The following PCDHGB3 variants were observed in gnomAD, a reference collection of about 807,000 sequenced individuals.
The protein encoded by PCDHGB3 is protocadherin gamma subfamily B, 3, also known as protocadherin gamma-B3.
A neutral mutation model predicts 59.2 loss-of-function variants in PCDHGB3; 40 were observed. The ratio of observed to expected loss-of-function variants is 0.68; its 90% CI spans 0.52 to 0.88. PCDHGB3 has a LOEUF of 0.88. PCDHGB3 is among the 40% of genes least tolerant of loss of function. PCDHGB3 has a pLI of 0.00. For missense variants in PCDHGB3, 1,309 were observed against 1,187.9 expected, an observed-to-expected ratio of 1.10 and a Z score of -1.50; for synonymous variants, 581 against 503.6, an observed-to-expected ratio of 1.15 and a Z score of -2.06.
chr5:141,415,761 T>G (rs1047830043), intron 1 of PCDHGB3: 49 of 1,399,492 alleles, frequency 3.5e-5, no homozygotes, highest in Admixed American at 1.6e-4. Context: ...TTTTTTTTTT[T>G]TTTTTTTTTT....
intron 1 of PCDHGB3, chr5:141,402,790 A>T: frequency 2.1e-6 from 2 of 961,358 alleles, no homozygotes; most frequent in Non-Finnish European, 2.9e-6. Context: ...TTCTGCGGCT[A>T]CACAAAACCC....
At chr5:141,378,173 C>A (rs1774684442) in intron 1 of PCDHGB3, 1 of 152,194 alleles carries the variant, frequency 6.6e-6, no homozygotes. Flanking sequence ...AATAACTAAG[C>A]ACCGATGCTG....
At position 141,431,174 on chromosome 5, in the gene PCDHGB3, G is replaced by C. The variant is rs568632160; in HGVS notation, c.2415+58365G>C. 6.2e-7 allele frequency: 1 copy of C among 1,614,224 alleles called. No individual in the cohort carries two copies. The highest frequency in any genetic ancestry group is 1.1e-5 in the South Asian group (1 of 91,088). ...GCCTTACTTTCGTGAAAGTGAATTA[G>C]AAATAAAAATTAGTGAAAATGCAGC... is the stretch of plus-strand genomic sequence containing the variant. On this transcript the variant is annotated intron_variant, in intron 1 of 3. Coordinates refer to ENST00000576222, the MANE Select transcript of PCDHGB3 (RefSeq NM_018924.5). This position sits in a 1 kb window ranked among gnomAD's most constrained non-coding sequence, Gnocchi z 4.8.
intron 1 of PCDHGB3, chr5:141,394,113 A>G: frequency 6.2e-7 from 1 of 1,613,950 alleles, no homozygotes; most frequent in Non-Finnish European, 8.5e-7. Flanking sequence ...ACCTCTGTCC[A>G]CTGAAACTCA....
chr5:141,385,225 G>C, intron 1 of PCDHGB3: 1 of 1,614,232 alleles, frequency 6.2e-7, no homozygotes, highest in Non-Finnish European at 8.5e-7. Context: ...GCCCAACTAT[G>C]TAGACATGCT....
intron 1 of PCDHGB3, chr5:141,375,488 G>C (rs948208439): frequency 6.2e-7 from 1 of 1,613,976 alleles, no homozygotes; most frequent in Non-Finnish European, 8.5e-7. Context: ...CCCCAGGGGT[G>C]CCTCCATCTT....
chr5:141,398,026 C>G, intron 1 of PCDHGB3: 2 of 1,446,724 alleles, frequency 1.4e-6, no homozygotes, highest in Admixed American at 2.6e-5. Context: ...TAAACTGGAA[C>G]TGGAACTAAA....
intron 1 of PCDHGB3, among the ~76,000 whole-genome samples, chr5:141,381,670 T>C (rs1383738220): frequency 6.6e-6 from 1 of 152,198 alleles, no homozygotes; most frequent in Non-Finnish European, 1.5e-5. Context: ...CTATAGCTGA[T>C]TGCTGCAGCC....
chr5:141,395,190 A>T (rs769197632), intron 1 of PCDHGB3: 1 of 1,614,028 alleles, frequency 6.2e-7, no homozygotes, highest in East Asian at 2.2e-5. Context: ...TTCTTTGTTA[A>T]CATCCGTAGA....
At chr5:141,465,730 T>G (rs1373873081) in intron 1 of PCDHGB3, among the ~76,000 whole-genome samples, 2 of 152,186 alleles carry the variant, frequency 1.3e-5, no homozygotes, top group Non-Finnish European at 2.9e-5. Context: ...CCTCTTGTGC[T>G]TTGTTTTCAG....
intron 1 of PCDHGB3, chr5:141,409,740 T>C: frequency 6.2e-7 from 1 of 1,612,820 alleles, no homozygotes; most frequent in Non-Finnish European, 8.5e-7. Context: ...CAGAGCGGGG[T>C]GGTGTTCGCG....
chr5:141,394,561 A>ACCTGCGGAGCTACCT, intron 1 of PCDHGB3: 2 of 1,613,954 alleles, frequency 1.2e-6, no homozygotes, highest in Non-Finnish European at 1.7e-6. Context: ...CGCTCCGCAG[A>ACCTGCGGAGCTACCT]GCGTGGCTAC....
chr5:141,384,286 G>C lies in PCDHGB3; in HGVS notation c.2415+11477G>C, dbSNP rs760333073. ...CTCATCCTACTCAGTCTACATCGCT[G>C]AGAACAACCCCAGAGGGGCCTCCAT... On this transcript the variant is annotated intron_variant, in intron 1 of 3. Coordinates refer to ENST00000576222, the MANE Select transcript of PCDHGB3 (RefSeq NM_018924.5). 3 of 1,613,716 alleles carry C rather than the reference G, an allele frequency of 1.9e-6. No homozygotes were observed. In the East Asian group the frequency reaches 6.7e-5, roughly 36 times the overall value.
At chr5:141,394,290 G>C (rs759077173) in intron 1 of PCDHGB3, 5 of 1,613,918 alleles carry the variant, frequency 3.1e-6, no homozygotes, top group Admixed American at 1.7e-5. Context: ...CTCTGTGACC[G>C]AGGACACGCT....
At chr5:141,419,172 T>A in intron 1 of PCDHGB3, 1 of 1,613,914 alleles carries the variant, frequency 6.2e-7, no homozygotes, top group Non-Finnish European at 8.5e-7. Context: ...AGCAAAACCA[T>A]AACCCTGCAC....
chr5:141,507,631 C>T (rs1435446169), intron 3 of PCDHGB3, among the ~76,000 whole-genome samples: 4 of 152,236 alleles, frequency 2.6e-5, no homozygotes, highest in East Asian at 3.8e-4. Context: ...TGTGGCCTTG[C>T]GCCCTGAGGC....
chr5:141,399,494 G>A, intron 1 of PCDHGB3: 1 of 1,614,032 alleles, frequency 6.2e-7, no homozygotes, highest in Non-Finnish European at 8.5e-7. Flanking sequence ...TACTTAGTCA[G>A]TGTACCCGAA....
At chr5:141,463,796 G>T (rs139760353) in intron 1 of PCDHGB3, among the ~76,000 whole-genome samples, 3 of 152,114 alleles carry the variant, frequency 2.0e-5, no homozygotes, top group Non-Finnish European at 2.9e-5. Flanking sequence ...TTGAACAAAT[G>T]TCTAAAAGCT....
At position 141,490,409 on chromosome 5, in the gene PCDHGB3, C is replaced by G; in HGVS notation, c.2416-4398C>G. On this transcript the variant is annotated intron_variant, in intron 1 of 3. Transcript: ENST00000576222. The surrounding 1 kb of genome is among the most constrained non-coding windows in gnomAD (Gnocchi z 5.4). ...AATGGTGAAGTGAGCCTTGATATCT[C>G]TCCGGACCTGCCATTTCAGATTAAG... 1 of 1,614,202 alleles carries G rather than the reference C, an allele frequency of 6.2e-7. No homozygotes were observed. Among genetic ancestry groups the G allele is most frequent in the Non-Finnish European group, 8.5e-7 (1 of 1,180,038 alleles).
Sources: gnomAD v4.1 joint callset for allele counts (sites outside exome capture counted in the v4.1 genomes callset) on GRCh38, gnomAD v4.1.1 for gene constraint, Gnocchi (gnomAD v3.1) non-coding constraint, MANE v1.5 for transcripts, NCBI Gene and HGNC (gene_info 2026-07-23, HGNC 2026-07-21) for gene names.